The following DLG2 variants were observed in gnomAD, a reference collection of about 807,000 sequenced individuals.
The protein encoded by DLG2 is disks large homolog 2.
A neutral mutation model predicts 132.5 loss-of-function variants in DLG2; 45 were observed. The ratio of observed to expected loss-of-function variants is 0.34; its 90% CI spans 0.27 to 0.44. The LOEUF (loss-of-function observed/expected upper bound fraction) is 0.44. DLG2 is among the 20% of genes least tolerant of loss of function. DLG2 has a pLI of 1.00. For missense variants in DLG2, 1,045 were observed against 1,196.9 expected (o/e 0.87, Z 1.87); for synonymous variants, 424 against 419.6 (o/e 1.01, Z -0.13).
Position 84,979,846 on chromosome 11 carries a change from A to G in DLG2, c.357+131815T>C, listed in dbSNP as rs572107362. ...CCTCCTTCAAAAAAAAAACAAAAAA[A>G]CTAGGCTTTGTTATTGGGTGCACAT... On this transcript the variant is annotated intron_variant, in intron 6 of 27. Transcript: ENST00000376104. Among the ~76,000 whole-genome samples, 14 of 152,092 alleles carry G rather than the reference A, an allele frequency of 9.2e-5. No homozygotes were observed. In the South Asian group the frequency reaches 2.9e-3, roughly 32 times the overall value.
At chr11:85,001,362 T>G (rs2154130731) in intron 6 of DLG2, among the ~76,000 whole-genome samples, 1 of 152,232 alleles carries the variant, frequency 6.6e-6, no homozygotes, top group East Asian at 1.9e-4. Flanking sequence ...TAAACCACAT[T>G]AACAGATATA....
At chr11:84,335,177 A>AG in intron 7 of DLG2, among the ~76,000 whole-genome samples, 1 of 150,416 alleles carries the variant, frequency 6.6e-6, no homozygotes, top group South Asian at 2.1e-4. Context: ...AAAAAAAAAA[A>AG]AAGGAAGGAA....
intron 6 of DLG2, chr11:84,640,004 T>C: frequency 3.9e-6 from 1 of 255,728 alleles, no homozygotes; most frequent in Non-Finnish European, 7.4e-6. Context: ...TGAAGACTAT[T>C]CTCAGCAATC....
At chr11:84,474,199 T>C (rs2099115813) in intron 7 of DLG2, among the ~76,000 whole-genome samples, 1 of 152,056 alleles carries the variant, frequency 6.6e-6, no homozygotes, top group South Asian at 2.1e-4. Context: ...CTCCTTATTA[T>C]AAACAGTGCC....
chr11:83,987,898 C>G (rs117471255), intron 11 of DLG2, among the ~76,000 whole-genome samples: 4 of 152,040 alleles, frequency 2.6e-5, no homozygotes, highest in Non-Finnish European at 4.4e-5. Context: ...TGATGTTGAG[C>G]CTTTTTTCAT....
intron 7 of DLG2, among the ~76,000 whole-genome samples, chr11:84,434,400 A>T (rs1390774173): frequency 2.6e-5 from 4 of 152,114 alleles, no homozygotes; most frequent in African/African-American, 9.7e-5. Flanking sequence ...GATCTAGAAG[A>T]ATGATGAGTG....
intron 19 of DLG2, chr11:83,632,523 T>G (rs1334097636): frequency 6.6e-6 from 1 of 152,238 alleles, no homozygotes; most frequent in Non-Finnish European, 1.5e-5. Flanking sequence ...TACAGGAAGC[T>G]TGTCTTGGAA....
intron 6 of DLG2, among the ~76,000 whole-genome samples, chr11:85,082,127 C>G (rs1191234310): frequency 1.3e-5 from 2 of 152,128 alleles, no homozygotes; most frequent in Non-Finnish European, 2.9e-5. Context: ...CAAAAAAAAT[C>G]TATGCCTTCT....
chr11:84,387,193 G>GAGTCCATGCATTTACCT (rs1201472673), intron 7 of DLG2, among the ~76,000 whole-genome samples: 2 of 151,322 alleles, frequency 1.3e-5, no homozygotes, highest in African/African-American at 4.8e-5. Flanking sequence ...GTGGGCGCTA[G>GAGTCCATGCATTTACCT]AGTCCATGCA....
At chr11:84,230,162 C>G (rs1176855451) in intron 8 of DLG2, among the ~76,000 whole-genome samples, 1 of 152,128 alleles carries the variant, frequency 6.6e-6, no homozygotes, top group African/African-American at 2.4e-5. Context: ...CATGATAGAA[C>G]AGTAAACTTC....
chr11:84,329,348 T>C (rs1422714707), intron 7 of DLG2, among the ~76,000 whole-genome samples: 1 of 152,174 alleles, frequency 6.6e-6, no homozygotes, highest in African/African-American at 2.4e-5. Context: ...GTAGTTCCCA[T>C]AATCCTCACA....
chr11:84,792,796 T>C lies in DLG2; in HGVS notation c.358-258065A>G, dbSNP rs567446688. 2.6e-5 allele frequency among the ~76,000 whole-genome samples: 4 copies of C among 152,150 alleles called. No individual in the cohort carries two copies. The South Asian group carries it at 6.2e-4, about 24-fold the overall frequency. On this transcript the variant is annotated intron_variant, in intron 6 of 27. Transcript: ENST00000376104. ...TCTTTTCATCTCTGATTTTATTTAT[T>C]TGGGTCTTCTCTCTTTTGCTCTTAG...
chr11:84,721,376 T>A (rs1317234029), intron 6 of DLG2, among the ~76,000 whole-genome samples: 1 of 152,072 alleles, frequency 6.6e-6, no homozygotes, highest in Non-Finnish European at 1.5e-5. Flanking sequence ...TTTGTCAAAC[T>A]CAAAAAAGAA....
intron 3 of DLG2, among the ~76,000 whole-genome samples, chr11:85,307,137 T>C (rs944307877): frequency 6.6e-6 from 1 of 152,216 alleles, no homozygotes; most frequent in Non-Finnish European, 1.5e-5. Flanking sequence ...GCTGACCTTG[T>C]CTTTAGGGCA....
At chr11:84,811,117 T>C (rs1391907395) in intron 6 of DLG2, among the ~76,000 whole-genome samples, 2 of 152,168 alleles carry the variant, frequency 1.3e-5, no homozygotes, top group East Asian at 3.9e-4. Flanking sequence ...GACAACTGCA[T>C]GTGAATGTAT....
chr11:84,301,427 G>A (rs1250949003), intron 7 of DLG2, among the ~76,000 whole-genome samples: 1 of 152,042 alleles, frequency 6.6e-6, no homozygotes, highest in Non-Finnish European at 1.5e-5. Flanking sequence ...GGAGGCCGAG[G>A]TGGGTGGATC....
At chr11:84,183,657 T>C (rs2096202261) in intron 8 of DLG2, among the ~76,000 whole-genome samples, 2 of 152,186 alleles carry the variant, frequency 1.3e-5, no homozygotes, top group African/African-American at 2.4e-5. Context: ...ACATGTGCCA[T>C]GTTGGTGTGC....
intron 3 of DLG2, among the ~76,000 whole-genome samples, chr11:85,367,185 T>A (rs537793995): frequency 9.2e-5 from 14 of 152,052 alleles, no homozygotes; most frequent in Non-Finnish European, 1.6e-4. Context: ...AATAACATAG[T>A]TTTTTGTTTG....
intron 7 of DLG2, among the ~76,000 whole-genome samples, chr11:84,298,759 A>G (rs1378233834): frequency 6.6e-6 from 1 of 152,202 alleles, no homozygotes; most frequent in Non-Finnish European, 1.5e-5. Context: ...CAACACAGAA[A>G]TAGAGTCATT....
Sources: gnomAD v4.1 joint callset for allele counts (sites outside exome capture counted in the v4.1 genomes callset) on GRCh38, gnomAD v4.1.1 for gene constraint, MANE v1.5 for transcripts, NCBI Gene and HGNC (gene_info 2026-07-23, HGNC 2026-07-21) for gene names.